The following PRKAR1A variants were observed in gnomAD, a reference collection of about 807,000 sequenced individuals.
The protein encoded by PRKAR1A is protein kinase cAMP-dependent type I regulatory subunit alpha.
PRKAR1A carries 3 observed loss-of-function variants against 52.0 expected under a neutral mutation model. The ratio of observed to expected loss-of-function variants is 0.06; its 90% confidence interval spans 0.03 to 0.15. The LOEUF (loss-of-function observed/expected upper bound fraction) is 0.15. Among genes scored for constraint, PRKAR1A ranks in the 10% least tolerant of loss-of-function variants. PRKAR1A has a pLI of 1.00. For synonymous variants in PRKAR1A, 188 were observed against 168.4 expected (o/e 1.12, Z -0.90); for missense variants, 240 against 477.4 (o/e 0.50, Z 4.63).
At chr17:68,452,515 A>C in the PRKAR1A span, among the ~76,000 whole-genome samples, 1 of 152,220 alleles carries the variant, frequency 6.6e-6, no homozygotes, top group Non-Finnish European at 1.5e-5. Flanking sequence ...CAGTGAGCCA[A>C]GATCGTGCCA....
At chr17:68,540,459 T>A (rs1265435379) in intron 11 of PRKAR1A, 1 of 468,376 alleles carries the variant, frequency 2.1e-6, no homozygotes, top group African/African-American at 2.0e-5. Context: ...CCTGTGGGCC[T>A]GGAAGGTGGA....
chr17:68,541,476 C>G (rs909996551), intron 11 of PRKAR1A: 1 of 187,636 alleles, frequency 5.3e-6, no homozygotes, highest in Non-Finnish European at 1.1e-5. Flanking sequence ...TCTTTTCCCA[C>G]GATGATCATG....
At chr17:68,485,871 G>A in the PRKAR1A span, among the ~76,000 whole-genome samples, 24 of 152,110 alleles carry the variant, frequency 1.6e-4, no homozygotes, top group East Asian at 1.4e-3. Context: ...CCCAAGTAGC[G>A]GGGATTACAG....
At chr17:68,430,297 C>T in the PRKAR1A span, 1 of 814,002 alleles carries the variant, frequency 1.2e-6, no homozygotes, top group Non-Finnish European at 1.9e-6. Flanking sequence ...GTTCTGCCCA[C>T]TGAGAACAAT....
At chr17:68,427,350 C>G in the PRKAR1A span, 1 of 899,998 alleles carries the variant, frequency 1.1e-6, no homozygotes, top group Non-Finnish European at 1.8e-6. Context: ...CTGTGCTCAG[C>G]TCTGTGGGTT....
In PRKAR1A at chr17:68,532,564, G is replaced by C; in HGVS notation, c.*2115G>C. 2.8e-6 allele frequency: 3 copies of C among 1,065,908 alleles called. No homozygotes were observed. Among genetic ancestry groups the C allele is most frequent in the Non-Finnish European group, 3.4e-6 (3 of 879,448 alleles). 66.0% of individuals were successfully genotyped at this position (1,065,908 alleles called of 1,614,324 possible). A position where few individuals can be genotyped will look rare whatever the true frequency, so the allele number is the denominator to read the frequency against. ...TAATTTGTCTTAGTTGATATTCAAG[G>C]CTTTAAAAGTCATTATTCCTGGGCT... On this transcript the variant is annotated 3_prime_UTR_variant, in exon 11 of 11. Transcript: ENST00000589228.
At position 68,532,945 on chromosome 17, in the gene PRKAR1A, A is replaced by G. The variant is rs913198536; in HGVS notation, c.*2496A>G. On this transcript the variant is annotated 3_prime_UTR_variant, in exon 11 of 11. Transcript: ENST00000589228. Reference sequence around the variant, plus strand: ...AGTTTGTCAAAGAGTGGATCTCAAAATCTTGCTTAAAGGGTAATTGAGATG... The same window carrying G: ...AGTTTGTCAAAGAGTGGATCTCAAAGTCTTGCTTAAAGGGTAATTGAGATG... 9.4e-7 allele frequency: 1 copy of G among 1,065,740 alleles called. No individual in the cohort carries two copies. Among genetic ancestry groups the G allele is most frequent in the African/African-American group, 1.6e-5 (1 of 61,066 alleles). 66.0% of individuals were successfully genotyped at this position (1,065,740 alleles called of 1,614,324 possible).
chr17:68,450,741 C>T, the PRKAR1A span: 1 of 1,612,288 alleles, frequency 6.2e-7, no homozygotes, highest in Non-Finnish European at 8.5e-7. Flanking sequence ...CCGGTTCAGC[C>T]TTATGGACAA....
At chr17:68,452,897 C>T in the PRKAR1A span, 8 of 1,612,588 alleles carry the variant, frequency 5.0e-6, no homozygotes, top group South Asian at 6.6e-5. Context: ...AGGTCTCTCT[C>T]ACACACACTT....
intron 11 of PRKAR1A, among the ~76,000 whole-genome samples, chr17:68,544,329 T>A (rs972769814): frequency 6.6e-6 from 1 of 152,154 alleles, no homozygotes; most frequent in Non-Finnish European, 1.5e-5. Flanking sequence ...ATTAAATCTC[T>A]AATGAATTCC....
At chr17:68,519,858 C>G in intron 2 of PRKAR1A, among the ~76,000 whole-genome samples, 1 of 152,156 alleles carries the variant, frequency 6.6e-6, no homozygotes, top group African/African-American at 2.4e-5. Context: ...CATAAATACT[C>G]GTTATTTCAA....
At chr17:68,435,820 C>G in the PRKAR1A span, 1 of 970,856 alleles carries the variant, frequency 1.0e-6, no homozygotes, top group Non-Finnish European at 1.6e-6. Context: ...GTCCAGCTCC[C>G]TGTCTCTTCC....
Position 68,530,881 on chromosome 17 carries a change from G to T in PRKAR1A, c.*432G>T. 2 of 1,134,600 alleles carry T rather than the reference G, an allele frequency of 1.8e-6. No homozygotes were observed. 70.3% of individuals were successfully genotyped at this position (1,134,600 alleles called of 1,614,324 possible). ...TGCTGTATTTCTTTGTAGAATAAAT[G>T]GTTTCTCATTAAACTCTAAAGATTA... On this transcript the variant is annotated 3_prime_UTR_variant, in exon 11 of 11. Coordinates refer to ENST00000589228, the MANE Select transcript of PRKAR1A (RefSeq NM_002734.5).
At chr17:68,528,820 A>G (rs372905685) in intron 8 of PRKAR1A, 50 bp from the exon 9 acceptor site, 41 of 1,607,518 alleles carry the variant, frequency 2.6e-5, no homozygotes, top group Non-Finnish European at 3.4e-5. Flanking sequence ...TTTTACCTTT[A>G]TAACAGCACC....
At chr17:68,456,325 T>G in the PRKAR1A span, among the ~76,000 whole-genome samples, 47 of 152,288 alleles carry the variant, frequency 3.1e-4, no homozygotes, top group African/African-American at 1.1e-3. Context: ...ATGGCCTTAA[T>G]TACACCACTG....
intron 11 of PRKAR1A, among the ~76,000 whole-genome samples, chr17:68,542,495 C>G (rs2086347034): frequency 6.6e-6 from 1 of 152,122 alleles, no homozygotes; most frequent in Non-Finnish European, 1.5e-5. Context: ...GGTAGCATCT[C>G]AAACACAACC....
the PRKAR1A span, chr17:68,435,732 A>G: frequency 2.4e-4 from 391 of 1,608,404 alleles, no homozygotes; most frequent in Non-Finnish European, 3.2e-4. Flanking sequence ...AAAAGGAAAA[A>G]TGGATACAGA....
the PRKAR1A span, among the ~76,000 whole-genome samples, chr17:68,443,753 G>C: frequency 6.6e-6 from 1 of 152,214 alleles, no homozygotes; most frequent in Non-Finnish European, 1.5e-5. Flanking sequence ...AATAGAAGCA[G>C]TTGTTCAATG....
rs2085975783 is a variant in PRKAR1A at position 68,531,553 on chromosome 17, G to A, written c.*1104G>A. ...ATTTTGGAAGAAGTTTTTTACTTTG[G>A]TTTAGTCTTTTTTTCCTTCCTTTTT... On this transcript the variant is annotated 3_prime_UTR_variant, in exon 11 of 11. Transcript: ENST00000589228. 9.4e-7 allele frequency: 1 copy of A among 1,066,294 alleles called. No individual in the cohort carries two copies. Among genetic ancestry groups the A allele is most frequent in the Non-Finnish European group, 1.1e-6 (1 of 879,608 alleles). The allele number at this position is 1,066,294 out of a possible 1,614,324, so 66.1% of individuals were successfully genotyped here. A position where few individuals can be genotyped will look rare whatever the true frequency, so the allele number is the denominator to read the frequency against.
Sources: gnomAD v4.1 joint callset for allele counts (sites outside exome capture counted in the v4.1 genomes callset) on GRCh38, gnomAD v4.1.1 for gene constraint, MANE v1.5 for transcripts, NCBI Gene and HGNC (gene_info 2026-07-23, HGNC 2026-07-21) for gene names.